Variants in KIF16B observed in about 807,000 individuals in gnomAD.
The protein encoded by KIF16B is kinesin family member 16B.
A neutral mutation model predicts 156.3 loss-of-function variants in KIF16B; 98 were observed. That is an observed-to-expected ratio of 0.63 (90% CI 0.53 to 0.74). KIF16B has a LOEUF of 0.74. Ranked by LOEUF, KIF16B falls within the 30% of genes least tolerant of loss-of-function variation. The probability of loss-of-function intolerance (pLI) is 0.00; values close to 1 mark genes in which losing one functional copy is unlikely to be tolerated. For synonymous variants in KIF16B, 564 were observed against 583.7 expected, an observed-to-expected ratio of 0.97 and a Z score of 0.49; for missense variants, 1,421 against 1,606.5, an observed-to-expected ratio of 0.88 and a Z score of 1.97.
chr20:16,282,258 C>T (rs116579561), intron 25 of KIF16B, among the ~76,000 whole-genome samples: 2,995 of 151,970 alleles, frequency 0.02, 99 homozygotes, highest in African/African-American at 0.067. Flanking sequence ...GCCTCGAACC[C>T]CTGACCTCAG....
intron 12 of KIF16B, among the ~76,000 whole-genome samples, chr20:16,447,123 T>C (rs1400809678): frequency 6.6e-6 from 1 of 152,092 alleles, no homozygotes; most frequent in Non-Finnish European, 1.5e-5. Context: ...GAAAAGAGTT[T>C]AATACATCTC....
intron 1 of KIF16B, among the ~76,000 whole-genome samples, chr20:16,553,788 G>A (rs1319980977): frequency 6.6e-6 from 1 of 152,176 alleles, no homozygotes; most frequent in Non-Finnish European, 1.5e-5. Flanking sequence ...CGGGGGAGGT[G>A]CAGCTGGGCT....
chr20:16,384,275 A>G (rs2065174687), intron 17 of KIF16B, among the ~76,000 whole-genome samples: 1 of 152,172 alleles, frequency 6.6e-6, no homozygotes. Flanking sequence ...CCCTGTCCCC[A>G]CCAGGCTCCC....
chr20:16,371,612 A>C, intron 21 of KIF16B, 53 bp downstream of exon 21: 1 of 1,167,488 alleles, frequency 8.6e-7, no homozygotes, highest in South Asian at 1.4e-5. Context: ...AAAAAGGAAA[A>C]AAGAAAGATG....
At chr20:16,470,330 T>C (rs1458786053) in intron 12 of KIF16B, among the ~76,000 whole-genome samples, 1 of 152,156 alleles carries the variant, frequency 6.6e-6, no homozygotes, top group African/African-American at 2.4e-5. Flanking sequence ...AGGTAAATTC[T>C]AAATTTTGAG....
Position 16,506,095 on chromosome 20 carries a change from G to A in KIF16B, c.795C>T (p.Thr265=), listed in dbSNP as rs61733870. Residue 265 remains threonine, a synonymous_variant, in exon 8 of 26, where the codon ACC becomes ACT. Transcript: ENST00000354981. Reference sequence around the variant, plus strand: ...TTCCCCCTTCCTTTAGCCTAACCCCGGTGGCTCCGGTGGCATCTGCACGCT... The same window carrying A: ...TTCCCCCTTCCTTTAGCCTAACCCCAGTGGCTCCGGTGGCATCTGCACGCT... The part of the protein sequence containing the change: ...GSERADATGA[T]GVRLKEGGNI... 8.6e-4 allele frequency: 1,384 copies of A among 1,613,882 alleles called. 19 individuals are homozygous for A. In the African/African-American group the frequency reaches 0.015, roughly 17 times the overall value.
At chr20:16,538,905 A>G (rs1600656976) in intron 1 of KIF16B, among the ~76,000 whole-genome samples, 1 of 152,008 alleles carries the variant, frequency 6.6e-6, no homozygotes, top group African/African-American at 2.4e-5. Flanking sequence ...AAAGTACATG[A>G]CACCTCCGCT....
intron 25 of KIF16B, among the ~76,000 whole-genome samples, chr20:16,308,755 C>A (rs1479039624): frequency 6.6e-6 from 1 of 152,264 alleles, no homozygotes; most frequent in Non-Finnish European, 1.5e-5. Flanking sequence ...ATTGCTGATA[C>A]TCCACCATTT....
chr20:16,462,584 T>C (rs1458369188), intron 12 of KIF16B, among the ~76,000 whole-genome samples: 1 of 152,080 alleles, frequency 6.6e-6, no homozygotes, highest in Non-Finnish European at 1.5e-5. Context: ...TGCTCTAAAT[T>C]TAGATACATC....
intron 22 of KIF16B, among the ~76,000 whole-genome samples, chr20:16,364,790 C>G (rs976995512): frequency 1.6e-4 from 25 of 152,240 alleles, no homozygotes; most frequent in Admixed American, 2.0e-4. Context: ...GTGGTACAAT[C>G]TGAACATGAT....
chr20:16,329,630 A>G (rs2063915247), intron 24 of KIF16B, among the ~76,000 whole-genome samples: 1 of 152,178 alleles, frequency 6.6e-6, no homozygotes, highest in African/African-American at 2.4e-5. Flanking sequence ...GTGAACTGGA[A>G]AACACAGGTT....
intron 12 of KIF16B, among the ~76,000 whole-genome samples, chr20:16,467,671 G>C (rs891402011): frequency 6.6e-6 from 1 of 151,752 alleles, no homozygotes; most frequent in Non-Finnish European, 1.5e-5. Flanking sequence ...TAGAAACCAT[G>C]CAATCAAGAA....
At chr20:16,508,278 C>T in intron 6 of KIF16B, among the ~76,000 whole-genome samples, 178 bp from the exon 7 acceptor site, 1 of 152,122 alleles carries the variant, frequency 6.6e-6, no homozygotes, top group Non-Finnish European at 1.5e-5. Flanking sequence ...TGGCTGGGGC[C>T]GAATCCCAGC....
chr20:16,452,884 T>C (rs17672161), intron 12 of KIF16B, among the ~76,000 whole-genome samples: 16,987 of 145,984 alleles, frequency 0.12, 1,175 homozygotes, highest in Non-Finnish European at 0.17. Flanking sequence ...TCAGGAAGGA[T>C]GAAAAACGAA....
Position 16,566,207 on chromosome 20 carries a change from T to C in KIF16B, c.47+7022A>G, listed in dbSNP as rs536926220. 1.2e-4 allele frequency among the ~76,000 whole-genome samples: 18 copies of C among 152,374 alleles called. No individual in the cohort carries two copies. The East Asian group carries it at 3.1e-3, about 26-fold the overall frequency. ...CCTCTGCCTTTTCCAATTATAACCA[T>C]GCCCAGAATCCAATCGCCATGGGTC... On this transcript the variant is annotated intron_variant, in intron 1 of 25. Transcript: ENST00000354981.
chr20:16,570,062 C>G (rs111764860), intron 1 of KIF16B, among the ~76,000 whole-genome samples: 2 of 152,052 alleles, frequency 1.3e-5, no homozygotes, highest in Non-Finnish European at 2.9e-5. Context: ...TCTCAATCCT[C>G]TACCTTGGAA....
chr20:16,533,801 A>C (rs2069845959), intron 1 of KIF16B, among the ~76,000 whole-genome samples: 2 of 152,202 alleles, frequency 1.3e-5, no homozygotes, highest in African/African-American at 4.8e-5. Context: ...TGTCAATCTA[A>C]GGCTACAGCC....
intron 17 of KIF16B, chr20:16,382,045 TCTACTCCATGCAGCTTAG>T (rs1194619794): frequency 3.0e-5 from 35 of 1,152,192 alleles, no homozygotes; most frequent in Non-Finnish European, 4.1e-5. Flanking sequence ...GATAAGCACG[TCTACTCCATGCAGCTTAG>T]CACTGATGAG....
intron 10 of KIF16B, among the ~76,000 whole-genome samples, chr20:16,500,101 C>T (rs938712621): frequency 6.6e-6 from 1 of 152,146 alleles, no homozygotes; most frequent in African/African-American, 2.4e-5. Context: ...GTGAAAAGGA[C>T]ATCCTGTTTT....
Sources: gnomAD v4.1 joint callset for allele counts (sites outside exome capture counted in the v4.1 genomes callset) on GRCh38, gnomAD v4.1.1 for gene constraint, MANE v1.5 for transcripts, NCBI Gene and HGNC (gene_info 2026-07-23, HGNC 2026-07-21) for gene names.